The following TRPM8 variants were observed in gnomAD, a reference collection of about 807,000 sequenced individuals.
TRPM8 encodes the protein TRPM8 cationic channel.
Under a neutral mutation model 133.7 loss-of-function variants are expected in TRPM8, and 110 were observed. The ratio of observed to expected loss-of-function variants is 0.82; its 90% CI spans 0.70 to 0.96. TRPM8 has a LOEUF of 0.96. Among genes scored for constraint, TRPM8 ranks in the 40% least tolerant of loss-of-function variants. The probability of loss-of-function intolerance (pLI) is 0.00; values close to 1 mark genes in which losing one functional copy is unlikely to be tolerated. For synonymous variants in TRPM8, 535 were observed against 532.3 expected (o/e 1.01, Z -0.07); for missense variants, 1,291 against 1,379.5 (o/e 0.94, Z 1.02).
At chr2:233,953,762 G>A in intron 9 of TRPM8, 155 bp from the exon 10 acceptor site, 2 of 578,902 alleles carry the variant, frequency 3.5e-6, no homozygotes, top group Non-Finnish European at 6.2e-6. Flanking sequence ...TATTCTCACT[G>A]TAGTCAAGGA....
intron 8 of TRPM8, among the ~76,000 whole-genome samples, chr2:233,949,501 C>G (rs1045438676): frequency 6.6e-6 from 1 of 152,162 alleles, no homozygotes; most frequent in African/African-American, 2.4e-5. Context: ...TCACATAAAA[C>G]ATGTGGCTGC....
At position 233,967,375 on chromosome 2, in the gene TRPM8, G is replaced by A. The variant is rs1172580268; in HGVS notation, c.2025+620G>A. ...CACAGTTCCAGTTGTAGAAATGTGG[G>A]TGTGAGAAGGGGAGGGGAAAAGGAA... On this transcript the variant is annotated intron_variant, in intron 15 of 25. Transcript: ENST00000324695. Among the ~76,000 whole-genome samples, 6 of 152,344 alleles carry A rather than the reference G, an allele frequency of 3.9e-5. 1 individual carries two copies. The highest frequency in any genetic ancestry group is 3.3e-4 in the Admixed American group (5 of 15,306).
rs199983781 is a variant in TRPM8, at chr2:233,955,270, G to A, written c.1362+20G>A. On this transcript the variant is annotated intron_variant, in intron 11 of 25. Transcript: ENST00000324695. ...TGGGAGGTAAGCACGAAGCTCTCCT[G>A]GGTTATTCCAGTGTTGGGTCTGGAC... 6.3e-7 allele frequency: 1 copy of A among 1,592,830 alleles called. No homozygotes were observed. Among genetic ancestry groups the A allele is most frequent in the Non-Finnish European group, 8.6e-7 (1 of 1,160,992 alleles).
At chr2:233,953,449 A>C (rs1304988965) in intron 9 of TRPM8, among the ~76,000 whole-genome samples, 1 of 152,230 alleles carries the variant, frequency 6.6e-6, no homozygotes, top group Non-Finnish European at 1.5e-5. Context: ...GAAAAATAAC[A>C]AAGGACAATA....
intron 22 of TRPM8, among the ~76,000 whole-genome samples, chr2:234,000,374 G>T (rs1055820422): frequency 2.0e-4 from 31 of 152,278 alleles, no homozygotes; most frequent in African/African-American, 7.5e-4. Flanking sequence ...CTCCCAAAGT[G>T]CTGGGATTAC....
rs144455975 is a variant in TRPM8 at position 233,955,767 on chromosome 2, C to T, written c.1362+517C>T. On this transcript the variant is annotated intron_variant, in intron 11 of 25. Transcript: ENST00000324695. Reference sequence around the variant, plus strand: ...AGTGAACGTCTTAGAGCAGGGGTGCCGGTCCATGGCCTGTTAGGAACAACA... The same window carrying T: ...AGTGAACGTCTTAGAGCAGGGGTGCTGGTCCATGGCCTGTTAGGAACAACA... Among the ~76,000 whole-genome samples, 16 of 152,196 alleles carry T rather than the reference C, an allele frequency of 1.1e-4. 1 individual carries two copies. The highest frequency in any genetic ancestry group is 3.4e-3 in the Middle Eastern group (1 of 294).
intron 3 of TRPM8, among the ~76,000 whole-genome samples, chr2:233,936,891 CTTTTTT>C (rs5839499): frequency 3.0e-5 from 3 of 101,328 alleles, no homozygotes; most frequent in East Asian, 2.8e-4. Flanking sequence ...TCTTTCTTTC[CTTTTTT>C]TTTTTTTTTT....
At chr2:233,974,214 AT>A (rs370663706) in intron 17 of TRPM8, among the ~76,000 whole-genome samples, 255 of 151,514 alleles carry the variant, frequency 1.7e-3, no homozygotes, top group Middle Eastern at 0.014. Context: ...TAAGTGCCAA[AT>A]TTTTTTTGTT....
Position 233,972,127 on chromosome 2 carries a change from T to C in TRPM8, c.2355+1701T>C, listed in dbSNP as rs564006740. On this transcript the variant is annotated intron_variant, in intron 17 of 25. Transcript: ENST00000324695. ...CCCTGAGCTAGACACAGGGTGCTGA[T>C]TGGTGTGTTTACAAACCTTGAGCTA... Among the ~76,000 whole-genome samples, 6 of 152,278 alleles carry C rather than the reference T, an allele frequency of 3.9e-5. No homozygotes were observed. In the East Asian group the frequency reaches 1.2e-3, roughly 29 times the overall value.
At position 233,927,783 on chromosome 2, in the gene TRPM8, T is replaced by C. The variant is rs13032519; in HGVS notation, c.117+1129T>C. Among the ~76,000 whole-genome samples the C allele has an allele frequency of 8.6e-3, 298 of 34,692 alleles. 10 individuals are homozygous for C. The highest frequency in any genetic ancestry group is 0.043 in the African/African-American group (112 of 2,618). 22.8% of individuals were successfully genotyped at this position (34,692 alleles called of 152,430 possible). A position where few individuals can be genotyped will look rare whatever the true frequency, so the allele number is the denominator to read the frequency against. On this transcript the variant is annotated intron_variant, in intron 2 of 25. Transcript: ENST00000324695. ...CTTTCTTTCTTTCTTTCTTTCTTTCTTTCTTTCTTTTCTTTCCTTCCTTCC... is the reference window on the plus strand; with the variant it reads ...CTTTCTTTCTTTCTTTCTTTCTTTCCTTCTTTCTTTTCTTTCCTTCCTTCC...
intron 21 of TRPM8, among the ~76,000 whole-genome samples, chr2:233,993,503 G>A (rs547169468): frequency 2.3e-4 from 35 of 152,338 alleles, no homozygotes; most frequent in African/African-American, 7.5e-4. Context: ...GCAGTATTCA[G>A]TGATGCTGTA....
At chr2:233,964,406 G>T (rs892818092) in intron 13 of TRPM8, among the ~76,000 whole-genome samples, 3 of 151,758 alleles carry the variant, frequency 2.0e-5, no homozygotes, top group African/African-American at 7.3e-5. Context: ...ACAAAAATTA[G>T]CTGGGCATGG....
chr2:233,934,147 A>G (rs531574961), intron 3 of TRPM8, among the ~76,000 whole-genome samples: 1 of 152,326 alleles, frequency 6.6e-6, no homozygotes, highest in East Asian at 1.9e-4. Context: ...AAGGAAAAAG[A>G]AATGCCACCT....
At chr2:233,942,314 G>A (rs1223189264) in intron 5 of TRPM8, among the ~76,000 whole-genome samples, 6 of 152,036 alleles carry the variant, frequency 3.9e-5, no homozygotes, top group African/African-American at 1.2e-4. Context: ...TCCTGACCTC[G>A]TGATCCACTC....
chr2:233,942,071 C>CTGTT (rs1553656129), intron 5 of TRPM8, among the ~76,000 whole-genome samples: 1,944 of 111,538 alleles, frequency 0.017, 277 homozygotes, highest in African/African-American at 0.069. Flanking sequence ...GGTCAAGAAT[C>CTGTT]TTTTTTTTTT....
chr2:233,945,706 T>C (rs62192334), intron 6 of TRPM8, 150 bp from the exon 7 acceptor site: 5 of 613,324 alleles, frequency 8.2e-6, no homozygotes, highest in Middle Eastern at 4.4e-4. Flanking sequence ...TACTATAAGA[T>C]CGCTAAGACC....
At chr2:233,998,916 G>A (rs1692478953) in intron 22 of TRPM8, among the ~76,000 whole-genome samples, 1 of 152,194 alleles carries the variant, frequency 6.6e-6, no homozygotes, top group Non-Finnish European at 1.5e-5. Context: ...CACCCTTCTA[G>A]TCTTAACAGC....
chr2:233,966,548 A>T (rs1257935902), intron 14 of TRPM8, 62 bp from the exon 15 acceptor site: 1 of 1,603,040 alleles, frequency 6.2e-7, no homozygotes. Context: ...GGGTGGAAGC[A>T]GGACAGTTTC....
intron 4 of TRPM8, among the ~76,000 whole-genome samples, chr2:233,937,748 G>T (rs1401591359): frequency 6.6e-6 from 1 of 152,112 alleles, no homozygotes; most frequent in African/African-American, 2.4e-5. Context: ...GTGTCCACAC[G>T]CAAGGCAGGC....
Sources: gnomAD v4.1 joint callset for allele counts (sites outside exome capture counted in the v4.1 genomes callset) on GRCh38, gnomAD v4.1.1 for gene constraint, MANE v1.5 for transcripts, NCBI Gene and HGNC (gene_info 2026-07-23, HGNC 2026-07-21) for gene names.